Variants in ALK observed in about 807,000 individuals in gnomAD.
ALK encodes ALK receptor tyrosine kinase.
In ALK, 74 loss-of-function variants were observed where a neutral mutation model predicts 163.1. The ratio of observed to expected loss-of-function variants is 0.45; its 90% confidence interval spans 0.38 to 0.55. The LOEUF (loss-of-function observed/expected upper bound fraction) is 0.55, where lower values mean the gene tolerates loss of function less well. Ranked by LOEUF, ALK falls within the 20% of genes least tolerant of loss-of-function variation. The pLI is 0.00. For synonymous variants in ALK, 960 were observed against 843.2 expected, an observed-to-expected ratio of 1.14 and a Z score of -2.40; for missense variants, 2,063 against 2,105.3, an observed-to-expected ratio of 0.98 and a Z score of 0.39.
chr2:29,424,669 C>T lies in ALK; in HGVS notation c.1155-40810G>A, dbSNP rs566993766. On this transcript the variant is annotated intron_variant, in intron 4 of 28. Transcript: ENST00000389048. The stretch of plus-strand genomic sequence containing the variant: ...ATTATTTGTATATTCAATGATAGTT[C>T]ATTCATTTAGCCAGAACCTGTGTCC... Among the ~76,000 whole-genome samples, 3 of 152,324 alleles carry T rather than the reference C, an allele frequency of 2.0e-5. No individual in the cohort carries two copies. The East Asian group carries it at 5.8e-4, about 29-fold the overall frequency.
At chr2:29,662,507 G>A (rs1677380455) in intron 3 of ALK, among the ~76,000 whole-genome samples, 1 of 152,130 alleles carries the variant, frequency 6.6e-6, no homozygotes, top group Non-Finnish European at 1.5e-5. Context: ...GGCCATTTGT[G>A]TGTTCACTAT....
chr2:29,896,192 A>G (rs6719576), intron 1 of ALK, among the ~76,000 whole-genome samples: 103,361 of 151,934 alleles, frequency 0.68, 35,919 homozygotes, highest in Non-Finnish European at 0.76. Context: ...GCTGCAGAGG[A>G]AATGGGTCTT....
chr2:29,302,198 A>G (rs979608368), intron 8 of ALK, among the ~76,000 whole-genome samples: 2 of 152,234 alleles, frequency 1.3e-5, no homozygotes, highest in Non-Finnish European at 2.9e-5. Context: ...AACTGTTCAG[A>G]GCTAGGAACA....
chr2:29,362,671 C>T (rs947111640), intron 5 of ALK, among the ~76,000 whole-genome samples: 1 of 152,198 alleles, frequency 6.6e-6, no homozygotes, highest in Non-Finnish European at 1.5e-5. Context: ...CCCATTTCCA[C>T]AGCACTGCGT....
chr2:29,246,160 G>T lies in ALK; in HGVS notation c.2204+4945C>A, dbSNP rs1327070019. Among the ~76,000 whole-genome samples the T allele has an allele frequency of 1.3e-5, 2 of 151,954 alleles. No individual in the cohort carries two copies. The highest frequency in any genetic ancestry group is 4.8e-5 in the African/African-American group (2 of 41,348). The stretch of plus-strand genomic sequence containing the variant: ...GTGGGTGGGGAGGAGATGGGGGCAG[G>T]ACTGCGGGCTGAGAAGGATGCTGGT... On this transcript the variant is annotated intron_variant, in intron 12 of 28. Transcript: ENST00000389048. This position sits in a 1 kb window ranked among gnomAD's most constrained non-coding sequence, Gnocchi z 4.3.
chr2:29,218,375 C>CTGTT (rs1669696040), intron 23 of ALK, among the ~76,000 whole-genome samples: 1 of 152,166 alleles, frequency 6.6e-6, no homozygotes, highest in South Asian at 2.1e-4. Flanking sequence ...GTAGTGCCTG[C>CTGTT]TGTTAGAGGG....
chr2:29,829,651 A>C (rs1324327866), intron 1 of ALK, among the ~76,000 whole-genome samples: 1 of 152,172 alleles, frequency 6.6e-6, no homozygotes, highest in African/African-American at 2.4e-5. Context: ...TTTTCACCTA[A>C]GGGGGGTAAA....
At chr2:29,635,550 G>A (rs566057555) in intron 3 of ALK, among the ~76,000 whole-genome samples, 1 of 152,110 alleles carries the variant, frequency 6.6e-6, no homozygotes, top group African/African-American at 2.4e-5. Flanking sequence ...AGGGAGAATG[G>A]CTCTGCTGAC....
intron 1 of ALK, among the ~76,000 whole-genome samples, chr2:29,792,954 A>G (rs1243395520): frequency 6.6e-6 from 1 of 152,176 alleles, no homozygotes; most frequent in Non-Finnish European, 1.5e-5. Flanking sequence ...TAAGACAATA[A>G]TGAAGTTTGT....
rs149210838 is a variant in ALK at position 29,804,631 on chromosome 2, T to C, written c.668-86934A>G. Among the ~76,000 whole-genome samples the C allele has an allele frequency of 7.4e-4, 112 of 152,322 alleles. No individual in the cohort carries two copies. The East Asian group carries it at 0.017, about 23-fold the overall frequency. ...CCTCCATTGCCTTCCATTGTCTGCG[T>C]TGGGTTTAAGGTGATACCAGGGCTG... is the stretch of plus-strand genomic sequence containing the variant. On this transcript the variant is annotated intron_variant, in intron 1 of 28. Coordinates refer to ENST00000389048, the MANE Select transcript of ALK (RefSeq NM_004304.5).
intron 2 of ALK, among the ~76,000 whole-genome samples, chr2:29,709,394 G>A (rs1242670644): frequency 6.6e-6 from 1 of 152,122 alleles, no homozygotes; most frequent in Non-Finnish European, 1.5e-5. Context: ...TGGGAATTGG[G>A]AGACCTCAGT....
intron 24 of ALK, 81 bp downstream of exon 24, chr2:29,213,903 A>T (rs1007322349): frequency 8.3e-7 from 1 of 1,198,396 alleles, no homozygotes; most frequent in Non-Finnish European, 1.2e-6. Context: ...CTGAAGGGGG[A>T]AATGTGAGCC....
At chr2:29,429,951 C>G (rs1670234308) in intron 4 of ALK, among the ~76,000 whole-genome samples, 1 of 151,982 alleles carries the variant, frequency 6.6e-6, no homozygotes, top group Non-Finnish European at 1.5e-5. Flanking sequence ...CAAGACAATT[C>G]CATGGGGGAA....
At position 29,507,868 on chromosome 2, in the gene ALK, C is replaced by T. The variant is rs190209689; in HGVS notation, c.1154+24047G>A. Among the ~76,000 whole-genome samples, 352 of 152,298 alleles carry T rather than the reference C, an allele frequency of 2.3e-3. 1 individual carries two copies. Among genetic ancestry groups the T allele is most frequent in the African/African-American group, 7.7e-3 (319 of 41,566 alleles). On this transcript the variant is annotated intron_variant, in intron 4 of 28. Coordinates refer to ENST00000389048, the MANE Select transcript of ALK (RefSeq NM_004304.5). ...TCTGAAGGCCTGTTCACCAAACCACCTACTGATCATAATCAGTTATCTTGG... is the reference window on the plus strand; with the variant it reads ...TCTGAAGGCCTGTTCACCAAACCACTTACTGATCATAATCAGTTATCTTGG...
At chr2:29,239,283 T>A (rs1296130364) in intron 13 of ALK, among the ~76,000 whole-genome samples, 1 of 152,136 alleles carries the variant, frequency 6.6e-6, no homozygotes. Flanking sequence ...TTCCCATATC[T>A]CTCTGCCAAG....
intron 4 of ALK, among the ~76,000 whole-genome samples, chr2:29,414,282 T>A (rs1448682523): frequency 6.6e-6 from 1 of 152,208 alleles, no homozygotes; most frequent in Non-Finnish European, 1.5e-5. Context: ...GGATGATCTC[T>A]AGGATCTCTT....
chr2:29,605,993 C>A (rs1310979909), intron 3 of ALK, among the ~76,000 whole-genome samples: 1 of 152,160 alleles, frequency 6.6e-6, no homozygotes, highest in Non-Finnish European at 1.5e-5. Flanking sequence ...CATTTCCTTT[C>A]CATGAAAAAG....
chr2:29,222,206 G>A (rs182046128), intron 22 of ALK, 138 bp downstream of exon 22: 6 of 784,038 alleles, frequency 7.7e-6, no homozygotes, highest in Admixed American at 2.0e-5. Context: ...TAGAATGTTT[G>A]GGAGTCTCCT....
At chr2:29,842,808 C>T (rs995334689) in intron 1 of ALK, among the ~76,000 whole-genome samples, 4 of 152,208 alleles carry the variant, frequency 2.6e-5, no homozygotes, top group African/African-American at 9.7e-5. Flanking sequence ...CGCAAACATC[C>T]ATTCCAGCAC....
Sources: gnomAD v4.1 joint callset for allele counts (sites outside exome capture counted in the v4.1 genomes callset) on GRCh38, gnomAD v4.1.1 for gene constraint, Gnocchi (gnomAD v3.1) non-coding constraint, MANE v1.5 for transcripts, NCBI Gene and HGNC (gene_info 2026-07-23, HGNC 2026-07-21) for gene names.